Variants in ST6GALNAC5 observed in about 807,000 individuals in gnomAD.
The protein encoded by ST6GALNAC5 is ST6 N-acetylgalactosaminide alpha-2,6-sialyltransferase 5.
In ST6GALNAC5, 27 loss-of-function variants were observed where a neutral mutation model predicts 33.6. The observed-to-expected ratio is 0.80, with a 90% CI of 0.59 to 1.11. ST6GALNAC5 has a LOEUF of 1.11. Ranked by LOEUF, ST6GALNAC5 falls within the 50% of genes least tolerant of loss-of-function variation. The pLI is 0.00. For missense variants in ST6GALNAC5, 428 were observed against 454.0 expected, an observed-to-expected ratio of 0.94 and a Z score of 0.52; for synonymous variants, 194 against 171.2, an observed-to-expected ratio of 1.13 and a Z score of -1.04.
chr1:76,916,013 TA>T (rs35703086), intron 2 of ST6GALNAC5, among the ~76,000 whole-genome samples: 3,026 of 146,864 alleles, frequency 0.021, 116 homozygotes, highest in African/African-American at 0.069. Context: ...ATCTGCATTT[TA>T]AAAAAAAAAA....
intron 2 of ST6GALNAC5, among the ~76,000 whole-genome samples, chr1:77,033,816 G>T (rs945862356): frequency 4.6e-5 from 7 of 152,152 alleles, no homozygotes; most frequent in Non-Finnish European, 8.8e-5. Context: ...GTAGGGTGGG[G>T]AGTGAAATGA....
At chr1:76,889,683 T>G (rs1653972955) in intron 2 of ST6GALNAC5, among the ~76,000 whole-genome samples, 1 of 152,248 alleles carries the variant, frequency 6.6e-6, no homozygotes, top group East Asian at 1.9e-4. Context: ...CGTAATGTTT[T>G]ATTTATTTGT....
At chr1:77,012,894 G>A (rs907440025) in intron 2 of ST6GALNAC5, among the ~76,000 whole-genome samples, 2 of 152,190 alleles carry the variant, frequency 1.3e-5, no homozygotes, top group South Asian at 2.1e-4. Context: ...GCTTAATGTG[G>A]TGTTTCCATA....
chr1:76,962,054 A>G (rs1021802673), intron 2 of ST6GALNAC5, among the ~76,000 whole-genome samples: 4 of 152,234 alleles, frequency 2.6e-5, no homozygotes, highest in Non-Finnish European at 4.4e-5. Context: ...TGAAACAAAC[A>G]CTGAACAATC....
intron 2 of ST6GALNAC5, among the ~76,000 whole-genome samples, chr1:77,012,776 T>C (rs947319621): frequency 6.6e-6 from 1 of 152,192 alleles, no homozygotes; most frequent in African/African-American, 2.4e-5. Flanking sequence ...TTGGGTGCTT[T>C]GGCTGAATTA....
intron 2 of ST6GALNAC5, among the ~76,000 whole-genome samples, chr1:76,901,183 A>G (rs1215703568): frequency 6.6e-6 from 1 of 152,226 alleles, no homozygotes; most frequent in Non-Finnish European, 1.5e-5. Flanking sequence ...AGGGCCAAAA[A>G]ATAGTCCAAG....
At chr1:76,873,748 A>C (rs535147886) in intron 2 of ST6GALNAC5, among the ~76,000 whole-genome samples, 25 of 152,346 alleles carry the variant, frequency 1.6e-4, no homozygotes, top group African/African-American at 5.1e-4. Flanking sequence ...TTCCTTTTTA[A>C]ATATTGCACA....
chr1:77,001,280 T>C (rs1250275634), intron 2 of ST6GALNAC5, among the ~76,000 whole-genome samples: 1 of 107,710 alleles, frequency 9.3e-6, no homozygotes, highest in Non-Finnish European at 2.0e-5. Flanking sequence ...CACTCATGAT[T>C]TTGCTCTCTG....
At chr1:77,036,695 C>T (rs1252997182) in intron 2 of ST6GALNAC5, among the ~76,000 whole-genome samples, 1 of 152,228 alleles carries the variant, frequency 6.6e-6, no homozygotes, top group Non-Finnish European at 1.5e-5. Flanking sequence ...TGGTTAAGTG[C>T]TTTACATGGC....
At chr1:76,867,937 G>A (rs1044265494) in intron 1 of ST6GALNAC5, among the ~76,000 whole-genome samples, 1 of 152,204 alleles carries the variant, frequency 6.6e-6, no homozygotes, top group Non-Finnish European at 1.5e-5. Context: ...GAGGTCCGAG[G>A]GGGTGGCGGA....
chr1:77,051,865 G>T (rs574934761), intron 4 of ST6GALNAC5, among the ~76,000 whole-genome samples: 61 of 152,118 alleles, frequency 4.0e-4, no homozygotes, highest in African/African-American at 1.4e-3. Flanking sequence ...ATGCAATATT[G>T]CCATTAGGAT....
chr1:77,005,013 G>T (rs527844037), intron 2 of ST6GALNAC5, among the ~76,000 whole-genome samples: 2 of 150,946 alleles, frequency 1.3e-5, no homozygotes, highest in African/African-American at 4.8e-5. Flanking sequence ...GCTGTGGTGG[G>T]CTCCACCCAG....
At chr1:77,022,263 A>G (rs1211142997) in intron 2 of ST6GALNAC5, among the ~76,000 whole-genome samples, 3 of 152,204 alleles carry the variant, frequency 2.0e-5, no homozygotes, top group South Asian at 2.1e-4. Context: ...TGAGACCCCA[A>G]GAAATTTATA....
intron 2 of ST6GALNAC5, among the ~76,000 whole-genome samples, chr1:76,884,936 A>G (rs1036403350): frequency 6.6e-6 from 1 of 152,198 alleles, no homozygotes; most frequent in Non-Finnish European, 1.5e-5. Context: ...GTGTCCCTCT[A>G]TGATGAGCAA....
intron 2 of ST6GALNAC5, among the ~76,000 whole-genome samples, chr1:77,000,979 T>A (rs1650135261): frequency 6.6e-6 from 1 of 151,266 alleles, no homozygotes; most frequent in Non-Finnish European, 1.5e-5. Context: ...ATGCGGGCTC[T>A]TTTTTGGTTC....
intron 2 of ST6GALNAC5, among the ~76,000 whole-genome samples, chr1:76,943,737 A>G (rs951136695): frequency 6.6e-6 from 1 of 152,126 alleles, no homozygotes; most frequent in African/African-American, 2.4e-5. Flanking sequence ...TACAAGTGAC[A>G]TGAAAGTTTA....
intron 2 of ST6GALNAC5, among the ~76,000 whole-genome samples, chr1:76,923,793 C>T (rs550204919): frequency 2.6e-5 from 4 of 152,068 alleles, no homozygotes; most frequent in African/African-American, 7.2e-5. Context: ...AGAACAATTA[C>T]GTGTATTTGG....
chr1:76,925,731 G>C (rs1344749926), intron 2 of ST6GALNAC5, among the ~76,000 whole-genome samples: 1 of 151,950 alleles, frequency 6.6e-6, no homozygotes, highest in Non-Finnish European at 1.5e-5. Flanking sequence ...TGTTTCATTA[G>C]TAAATATAAA....
At chr1:76,898,040 C>T (rs923023772) in intron 2 of ST6GALNAC5, among the ~76,000 whole-genome samples, 6 of 152,186 alleles carry the variant, frequency 3.9e-5, no homozygotes, top group Non-Finnish European at 5.9e-5. Flanking sequence ...AGTCTTCAGC[C>T]GCTAAGCTAA....
Sources: gnomAD v4.1 joint callset for allele counts (sites outside exome capture counted in the v4.1 genomes callset) on GRCh38, gnomAD v4.1.1 for gene constraint, MANE v1.5 for transcripts, NCBI Gene and HGNC (gene_info 2026-07-23, HGNC 2026-07-21) for gene names.